Variants in PPP2R5E observed in about 807,000 individuals in gnomAD.
PPP2R5E encodes the protein serine/threonine-protein phosphatase 2A 56 kDa regulatory subunit epsilon isoform.
PPP2R5E carries 4 observed loss-of-function variants against 65.3 expected under a neutral mutation model. That is an observed-to-expected ratio of 0.06 (90% CI 0.03 to 0.14). PPP2R5E has a LOEUF of 0.14. PPP2R5E is among the 10% of genes least tolerant of loss of function. The probability of loss-of-function intolerance (pLI) is 1.00; values close to 1 mark genes in which losing one functional copy is unlikely to be tolerated. For missense variants in PPP2R5E, 274 were observed against 556.1 expected, an observed-to-expected ratio of 0.49 and a Z score of 5.10; for synonymous variants, 183 against 187.4, an observed-to-expected ratio of 0.98 and a Z score of 0.19.
chr14:63,408,437 G>T (rs1334495278), intron 5 of PPP2R5E, among the ~76,000 whole-genome samples: 1 of 151,988 alleles, frequency 6.6e-6, no homozygotes, highest in African/African-American at 2.4e-5. Flanking sequence ...TCTTCTTATG[G>T]GTTTTATGGC....
At chr14:63,530,783 T>G (rs1893395147) in intron 2 of PPP2R5E, among the ~76,000 whole-genome samples, 1 of 151,222 alleles carries the variant, frequency 6.6e-6, no homozygotes, top group South Asian at 2.1e-4. Flanking sequence ...CCTGACTAAT[T>G]TTTTTGTATT....
Position 63,384,539 on chromosome 14 carries a change from A to C in PPP2R5E, c.1107T>G (p.Asn369Lys). Residue 369 changes from asparagine to lysine, a missense_variant, in exon 12 of 14, where the codon AAT (asparagine) becomes AAG (lysine). Asn to Lys is a moderately conservative substitution (Grantham distance 94). Transcript: ENST00000337537. ...VAERALYYWN[N>K]EYIMSLIEEN... ...CTTCTATCAAACTCATGATGTATTC[A>C]TTATTCCAATAATAGAGTGCTCTTT... The C allele has an allele frequency of 6.2e-7, 1 of 1,613,698 alleles. No individual in the cohort carries two copies. Among genetic ancestry groups the C allele is most frequent in the Non-Finnish European group, 8.5e-7 (1 of 1,179,652 alleles).
At chr14:63,522,890 C>A (rs1397883110) in intron 2 of PPP2R5E, among the ~76,000 whole-genome samples, 1 of 148,492 alleles carries the variant, frequency 6.7e-6, no homozygotes. Context: ...CGGCCAGCCG[C>A]CCCGTCCGGG....
At chr14:63,465,087 A>T (rs1889716975) in intron 2 of PPP2R5E, among the ~76,000 whole-genome samples, 1 of 151,998 alleles carries the variant, frequency 6.6e-6, no homozygotes, top group South Asian at 2.1e-4. Flanking sequence ...GGGTTGAGTA[A>T]AGATTAAATG....
Position 63,371,503 on chromosome 14 carries a change from T to A in PPP2R5E, c.*4506A>T, listed in dbSNP as rs1359563515. 4 of 152,224 alleles carry A rather than the reference T, an allele frequency of 2.6e-5. No individual in the cohort carries two copies. The highest frequency in any genetic ancestry group is 4.4e-5 in the Non-Finnish European group (3 of 68,034). The allele number at this position is 152,224 out of a possible 1,614,324, so 9.4% of individuals were successfully genotyped here. ...ACCACTTTGAAGAAAGCAAATCATT[T>A]CCAAAGAAAAACATTTTAAATTCCA... On this transcript the variant is annotated 3_prime_UTR_variant, in exon 14 of 14. Coordinates refer to ENST00000337537, the MANE Select transcript of PPP2R5E (RefSeq NM_006246.5).
chr14:63,524,354 A>T (rs150453625), intron 2 of PPP2R5E, among the ~76,000 whole-genome samples: 1 of 152,344 alleles, frequency 6.6e-6, no homozygotes, highest in African/African-American at 2.4e-5. Flanking sequence ...CAGAGAGATG[A>T]GGGAACGCAT....
intron 2 of PPP2R5E, among the ~76,000 whole-genome samples, chr14:63,499,434 G>A (rs1891744746): frequency 6.6e-6 from 1 of 152,172 alleles, no homozygotes; most frequent in African/African-American, 2.4e-5. Context: ...TTGTTATTAT[G>A]AGAAATAAGG....
intron 2 of PPP2R5E, among the ~76,000 whole-genome samples, chr14:63,518,103 T>C (rs1311541179): frequency 6.6e-6 from 1 of 152,178 alleles, no homozygotes; most frequent in Non-Finnish European, 1.5e-5. Context: ...AGAGACAGGA[T>C]CTCACTCTGT....
chr14:63,395,190 T>G (rs1885248888), intron 7 of PPP2R5E, 36 bp downstream of exon 7: 2 of 1,557,306 alleles, frequency 1.3e-6, no homozygotes, highest in South Asian at 2.2e-5. Flanking sequence ...AAAATAATAT[T>G]CATCTGAGAT....
intron 2 of PPP2R5E, among the ~76,000 whole-genome samples, chr14:63,529,554 T>G (rs1893325440): frequency 6.6e-6 from 1 of 151,486 alleles, no homozygotes; most frequent in Non-Finnish European, 1.5e-5. Flanking sequence ...TTTTCTTGTA[T>G]TTTTAGTAGA....
At chr14:63,465,363 C>T (rs1421272375) in intron 2 of PPP2R5E, among the ~76,000 whole-genome samples, 2 of 148,738 alleles carry the variant, frequency 1.3e-5, no homozygotes, top group African/African-American at 5.0e-5. Context: ...CCCGTAATCC[C>T]AGCACTTTGG....
chr14:63,467,842 G>A (rs1195287988), intron 2 of PPP2R5E, among the ~76,000 whole-genome samples: 2 of 152,216 alleles, frequency 1.3e-5, no homozygotes, highest in Non-Finnish European at 2.9e-5. Flanking sequence ...GGGCAATTTT[G>A]GGCAGTATAG....
chr14:63,439,374 T>A (rs147919646), intron 3 of PPP2R5E, among the ~76,000 whole-genome samples: 1,827 of 151,672 alleles, frequency 0.012, 37 homozygotes, highest in African/African-American at 0.042. Flanking sequence ...TTTGTTTTTG[T>A]TTTTGTTTCT....
At chr14:63,506,520 C>A (rs1463112403) in intron 2 of PPP2R5E, among the ~76,000 whole-genome samples, 1 of 152,104 alleles carries the variant, frequency 6.6e-6, no homozygotes, top group East Asian at 1.9e-4. Context: ...TTTGAATAGA[C>A]ATTTCTCCAA....
At chr14:63,523,923 G>A (rs1893078044) in intron 2 of PPP2R5E, among the ~76,000 whole-genome samples, 1 of 152,108 alleles carries the variant, frequency 6.6e-6, no homozygotes, top group South Asian at 2.1e-4. Flanking sequence ...TACACTGCTA[G>A]TAGAAGACAG....
intron 11 of PPP2R5E, among the ~76,000 whole-genome samples, chr14:63,385,611 A>C (rs1249218387): frequency 6.6e-6 from 1 of 152,074 alleles, no homozygotes; most frequent in Non-Finnish European, 1.5e-5. Flanking sequence ...AATATTTACT[A>C]AGTACCTCCT....
Position 63,379,569 on chromosome 14 carries a change from GC to G in PPP2R5E, c.1304+2486del, listed in dbSNP as rs1884193798. Among the ~76,000 whole-genome samples, 8 of 152,102 alleles carry G rather than the reference GC, an allele frequency of 5.3e-5. No individual in the cohort carries two copies. In the South Asian group the frequency reaches 1.7e-3, roughly 32 times the overall value. ...TTACAGGCGTGAGCCACTACGCCTG[GC>G]CCCCATTTTCTCATTAAGAAAGTAC... On this transcript the variant is annotated intron_variant, in intron 13 of 13. Transcript: ENST00000337537.
chr14:63,444,880 T>C (rs1486541148), intron 3 of PPP2R5E, among the ~76,000 whole-genome samples: 2 of 152,204 alleles, frequency 1.3e-5, no homozygotes, highest in African/African-American at 4.8e-5. Context: ...TCATCAGCTA[T>C]GACTCCAGGA....
chr14:63,443,283 G>GA (rs936086110), intron 3 of PPP2R5E, among the ~76,000 whole-genome samples: 1 of 152,128 alleles, frequency 6.6e-6, no homozygotes, highest in African/African-American at 2.4e-5. Flanking sequence ...ATTAACTTTG[G>GA]AAAATTACAT....
Sources: allele counts gnomAD v4.1 joint callset (sites outside exome capture counted in the v4.1 genomes callset), GRCh38; gene constraint gnomAD v4.1.1; transcripts MANE v1.5; gene names NCBI Gene and HGNC (gene_info 2026-07-23, HGNC 2026-07-21).